The following MBOAT1 variants were observed in gnomAD, a reference collection of about 807,000 sequenced individuals.
MBOAT1 encodes the protein membrane-bound glycerophospholipid O-acyltransferase 1.
MBOAT1 carries 67 observed loss-of-function variants against 64.4 expected under a neutral mutation model. That is an observed-to-expected ratio of 1.04 (90% CI 0.85 to 1.27). The LOEUF is 1.27. Ranked by LOEUF, MBOAT1 falls within the 50% of genes most tolerant of loss-of-function variation. The pLI, the probability that MBOAT1 is intolerant of heterozygous loss-of-function variation, is 0.00. For synonymous variants in MBOAT1, 229 were observed against 218.9 expected (o/e 1.05, Z -0.41); for missense variants, 563 against 604.6 (o/e 0.93, Z 0.72).
chr6:20,157,847 G>A (rs964276742), intron 1 of MBOAT1, among the ~76,000 whole-genome samples: 18 of 152,134 alleles, frequency 1.2e-4, no homozygotes, highest in African/African-American at 3.9e-4. Flanking sequence ...GTAACAACGT[G>A]GGTGGCCAAA....
At chr6:20,162,520 C>T (rs2113711461) in intron 1 of MBOAT1, among the ~76,000 whole-genome samples, 1 of 152,318 alleles carries the variant, frequency 6.6e-6, no homozygotes, top group South Asian at 2.1e-4. Context: ...TTAAAACATA[C>T]AAGTTTTGAA....
chr6:20,212,152 C>A lies in MBOAT1; in HGVS notation c.83G>T (p.Gly28Val). The A allele has an allele frequency of 6.2e-7, 1 of 1,613,544 alleles. No homozygotes were observed. Among genetic ancestry groups the A allele is most frequent in the Non-Finnish European group, 8.5e-7 (1 of 1,179,840 alleles). The change falls in exon 1 of 13, where the codon GGC (glycine) becomes GTC (valine). Residue 28 changes from glycine (G) to valine (V), a missense_variant. Transcript: ENST00000324607. ...TGCAGTTACCTGGTCCAGCGGGATG[C>A]CCAGGAGCTCGCTGAGCGGGTGCAG... ...TYLHPLSELL[G>V]IPLDQVNFVV... is the part of the protein sequence containing the mutation.
intron 8 of MBOAT1, among the ~76,000 whole-genome samples, chr6:20,123,779 G>A (rs369346181): frequency 1.3e-5 from 2 of 152,152 alleles, no homozygotes; most frequent in East Asian, 1.9e-4. Flanking sequence ...GATCAAGGCT[G>A]GGCGTGGTGG....
At chr6:20,132,826 C>A (rs6938829) in intron 4 of MBOAT1, among the ~76,000 whole-genome samples, 5,019 of 152,188 alleles carry the variant, frequency 0.033, 262 homozygotes, top group African/African-American at 0.11. Context: ...ATATCTGATA[C>A]GGGACTTTAC....
intron 4 of MBOAT1, 127 bp downstream of exon 4, chr6:20,144,093 G>T: frequency 1.5e-6 from 1 of 646,304 alleles, no homozygotes; most frequent in Non-Finnish European, 2.8e-6. Context: ...AATCCCATTA[G>T]CAGTGTCTTA....
intron 11 of MBOAT1, among the ~76,000 whole-genome samples, chr6:20,112,595 A>C (rs1760200548): frequency 6.6e-6 from 1 of 152,220 alleles, no homozygotes; most frequent in African/African-American, 2.4e-5. Flanking sequence ...TAACAATTAA[A>C]AATGTTTTCA....
chr6:20,204,175 C>T (rs1256831322), intron 1 of MBOAT1, among the ~76,000 whole-genome samples: 1 of 152,194 alleles, frequency 6.6e-6, no homozygotes, highest in East Asian at 1.9e-4. Flanking sequence ...CTCTAATTTC[C>T]CTCCTGCTTC....
At chr6:20,112,615 G>A (rs905658866) in intron 11 of MBOAT1, among the ~76,000 whole-genome samples, 17 of 152,108 alleles carry the variant, frequency 1.1e-4, no homozygotes, top group African/African-American at 4.1e-4. Context: ...ATCTCTTAGG[G>A]TACTAAACAT....
intron 1 of MBOAT1, among the ~76,000 whole-genome samples, chr6:20,177,618 C>CA (rs1478171328): frequency 3.3e-5 from 5 of 152,000 alleles, no homozygotes; most frequent in South Asian, 2.1e-4. Flanking sequence ...CTAAAAAATA[C>CA]AAAAAATTAG....
At chr6:20,123,825 G>C (rs1311512573) in intron 8 of MBOAT1, among the ~76,000 whole-genome samples, 2 of 152,128 alleles carry the variant, frequency 1.3e-5, no homozygotes, top group Non-Finnish European at 2.9e-5. Flanking sequence ...GGGAGGCCAG[G>C]GCGGGCAGAT....
chr6:20,184,592 A>G (rs1183009018), intron 1 of MBOAT1, among the ~76,000 whole-genome samples: 5 of 152,030 alleles, frequency 3.3e-5, no homozygotes, highest in Non-Finnish European at 7.4e-5. Context: ...GTGTCTCCCC[A>G]CAACCATCCT....
chr6:20,204,634 G>A (rs1048398680), intron 1 of MBOAT1, among the ~76,000 whole-genome samples: 4 of 152,204 alleles, frequency 2.6e-5, no homozygotes, highest in African/African-American at 9.6e-5. Context: ...AACAGGAATT[G>A]AGGACCAGGA....
At chr6:20,186,628 T>C (rs1762662970) in intron 1 of MBOAT1, among the ~76,000 whole-genome samples, 1 of 152,188 alleles carries the variant, frequency 6.6e-6, no homozygotes, top group Non-Finnish European at 1.5e-5. Context: ...GGCAGAGTCC[T>C]GGGGGAGGCT....
intron 12 of MBOAT1, among the ~76,000 whole-genome samples, chr6:20,107,793 G>GA (rs753494826): frequency 0.09 from 12,825 of 141,740 alleles, 822 homozygotes; most frequent in African/African-American, 0.18. Flanking sequence ...GGGCTTACAG[G>GA]AAAAAAAAAA....
At chr6:20,205,139 C>T (rs1474249687) in intron 1 of MBOAT1, among the ~76,000 whole-genome samples, 9 of 151,952 alleles carry the variant, frequency 5.9e-5, no homozygotes, top group African/African-American at 2.2e-4. Context: ...TTTGAGACTG[C>T]AGGGTGCCAT....
intron 1 of MBOAT1, among the ~76,000 whole-genome samples, chr6:20,187,067 G>A (rs975247426): frequency 1.3e-5 from 2 of 152,234 alleles, no homozygotes; most frequent in East Asian, 1.9e-4. Context: ...TGCTCGTTCC[G>A]ATATTAAAGT....
chr6:20,208,587 T>G (rs192442477), intron 1 of MBOAT1, among the ~76,000 whole-genome samples: 75 of 152,286 alleles, frequency 4.9e-4, no homozygotes, highest in Admixed American at 1.2e-3. Flanking sequence ...CAAGCTTACA[T>G]TAATAATCCT....
At chr6:20,209,169 T>C (rs1273018550) in intron 1 of MBOAT1, among the ~76,000 whole-genome samples, 3 of 152,200 alleles carry the variant, frequency 2.0e-5, no homozygotes, top group Non-Finnish European at 4.4e-5. Context: ...GCCCATTATT[T>C]AGAAATAAAG....
chr6:20,183,963 G>A (rs867544618), intron 1 of MBOAT1, among the ~76,000 whole-genome samples: 5 of 152,152 alleles, frequency 3.3e-5, no homozygotes, highest in Non-Finnish European at 5.9e-5. Flanking sequence ...ATCAGATCTC[G>A]TGAGACTTAT....
Sources: allele counts gnomAD v4.1 joint callset (sites outside exome capture counted in the v4.1 genomes callset), GRCh38; gene constraint gnomAD v4.1.1; transcripts MANE v1.5; gene names NCBI Gene and HGNC (gene_info 2026-07-23, HGNC 2026-07-21).